DOCK2: variants seen among roughly 807,000 people sequenced by gnomAD.
DOCK2 encodes dedicator of cytokinesis protein 2.
In DOCK2, 87 loss-of-function variants were observed where a neutral mutation model predicts 248.9. The observed-to-expected ratio is 0.35, with a 90% CI of 0.29 to 0.42. DOCK2 has a LOEUF of 0.42. Ranked by LOEUF, DOCK2 falls within the 10% of genes least tolerant of loss-of-function variation. DOCK2 has a pLI of 1.00. For synonymous variants in DOCK2, 805 were observed against 821.6 expected, an observed-to-expected ratio of 0.98 and a Z score of 0.35; for missense variants, 1,747 against 2,300.2, an observed-to-expected ratio of 0.76 and a Z score of 4.92.
chr5:169,961,697 G>A (rs1025994613), intron 27 of DOCK2, among the ~76,000 whole-genome samples: 2 of 152,100 alleles, frequency 1.3e-5, no homozygotes, highest in African/African-American at 4.8e-5. Context: ...TAGAAGCCAG[G>A]CCGGGTGCAG....
At chr5:169,913,475 G>T (rs1774714886) in intron 27 of DOCK2, among the ~76,000 whole-genome samples, 1 of 152,118 alleles carries the variant, frequency 6.6e-6, no homozygotes, top group South Asian at 2.1e-4. Context: ...AGTACTGTTT[G>T]GTCCTATTTT....
chr5:170,012,695 G>A (rs895184221), intron 32 of DOCK2, among the ~76,000 whole-genome samples: 4 of 152,174 alleles, frequency 2.6e-5, no homozygotes, highest in African/African-American at 9.7e-5. Flanking sequence ...CCGGGCGGAC[G>A]CCAAATGGAA....
At chr5:170,056,526 G>T (rs542126814) in intron 42 of DOCK2, 158 bp from the exon 43 acceptor site, 1 of 571,118 alleles carries the variant, frequency 1.8e-6, no homozygotes. Flanking sequence ...TCACTCTTAC[G>T]GAGCCCAGAA....
Position 169,932,910 on chromosome 5 carries a change from C to T in DOCK2, c.2800-50158C>T, listed in dbSNP as rs190232387. ...AATATTCTAGTACCAATCCTGCATC[C>T]TCAAACTGTAGCAGTTCTATAAAAA... is the stretch of plus-strand genomic sequence containing the variant. On this transcript the variant is annotated intron_variant, in intron 27 of 51. Transcript: ENST00000520908. Among the ~76,000 whole-genome samples, 31 of 150,690 alleles carry T rather than the reference C, an allele frequency of 2.1e-4. 1 individual carries two copies. The highest frequency in any genetic ancestry group is 7.2e-4 in the African/African-American group (29 of 40,028).
At chr5:169,883,713 C>A (rs140484421) in intron 27 of DOCK2, 1 of 1,551,384 alleles carries the variant, frequency 6.4e-7, no homozygotes, top group African/African-American at 1.4e-5. Context: ...CCATCACAGC[C>A]GGGTCTTCTG....
chr5:169,684,142 G>A, intron 7 of DOCK2, 54 bp from the exon 8 acceptor site: 2 of 1,573,550 alleles, frequency 1.3e-6, no homozygotes, highest in South Asian at 2.3e-5. Flanking sequence ...GTTGCTCTAA[G>A]TGGTGCTAGG....
intron 29 of DOCK2, among the ~76,000 whole-genome samples, chr5:169,988,711 C>G (rs1778133788): frequency 6.6e-6 from 1 of 151,972 alleles, no homozygotes; most frequent in Non-Finnish European, 1.5e-5. Flanking sequence ...GGAGTTTCTC[C>G]CTGTTGGTCA....
At chr5:169,824,995 T>C (rs1176468168) in intron 26 of DOCK2, among the ~76,000 whole-genome samples, 1 of 152,194 alleles carries the variant, frequency 6.6e-6, no homozygotes, top group Non-Finnish European at 1.5e-5. Context: ...AAGACATTTA[T>C]GCAGCCAAAA....
intron 27 of DOCK2, among the ~76,000 whole-genome samples, chr5:169,860,941 C>T (rs1484498165): frequency 6.6e-6 from 1 of 152,146 alleles, no homozygotes; most frequent in African/African-American, 2.4e-5. Context: ...TTTTTCTTCA[C>T]ATTGGCGATA....
intron 26 of DOCK2, among the ~76,000 whole-genome samples, chr5:169,807,147 T>G (rs1767426186): frequency 6.6e-6 from 1 of 152,068 alleles, no homozygotes. Context: ...GTCCCAAGTA[T>G]TCTGACTGAA....
chr5:170,082,142 T>G lies in DOCK2; in HGVS notation c.5430+158T>G, dbSNP rs74830650. ...TGAGTTCTGGGACACTGTGCAGCAA[T>G]GCCCAGAGGGCAGTTCTCCTCTGGG... On this transcript the variant is annotated intron_variant, in intron 51 of 51. Coordinates refer to ENST00000520908, the MANE Select transcript of DOCK2 (RefSeq NM_004946.3). 1.5e-3 allele frequency among the ~76,000 whole-genome samples: 230 copies of G among 152,206 alleles called. 1 individual carries two copies. Among genetic ancestry groups the G allele is most frequent in the African/African-American group, 5.1e-3 (213 of 41,526 alleles).
chr5:169,988,811 A>G (rs1778136989), intron 29 of DOCK2, among the ~76,000 whole-genome samples: 1 of 152,188 alleles, frequency 6.6e-6, no homozygotes, highest in African/African-American at 2.4e-5. Context: ...TTGCCCAGAG[A>G]GGTGAAATGA....
intron 6 of DOCK2, among the ~76,000 whole-genome samples, chr5:169,677,293 C>T (rs2113329060): frequency 6.6e-6 from 1 of 152,352 alleles, no homozygotes; most frequent in East Asian, 1.9e-4. Flanking sequence ...TGATTTACAT[C>T]CACACCACTA....
In DOCK2 at chr5:169,711,925, G is replaced by C. The variant is rs1438579520; in HGVS notation, c.1483-10G>C. On this transcript the variant is annotated splice_polypyrimidine_tract_variant and intron_variant, in intron 15 of 51. Coordinates refer to ENST00000520908, the MANE Select transcript of DOCK2 (RefSeq NM_004946.3). ...TCATTGTGTTCTGAGCTCTGTTTCT[G>C]TCTGCTGAGGTGGCTGTCCCTATTG... is the stretch of plus-strand genomic sequence containing the variant. 2.5e-6 allele frequency: 4 copies of C among 1,613,754 alleles called. No individual in the cohort carries two copies. Among genetic ancestry groups the C allele is most frequent in the South Asian group, 1.1e-5 (1 of 91,076 alleles).
intron 27 of DOCK2, among the ~76,000 whole-genome samples, chr5:169,949,611 G>A (rs1009823583): frequency 6.7e-6 from 1 of 148,930 alleles, no homozygotes; most frequent in Non-Finnish European, 1.5e-5. Context: ...ATGTGAAATG[G>A]AATGCCATGA....
At chr5:169,821,188 A>G (rs1365646576) in intron 26 of DOCK2, among the ~76,000 whole-genome samples, 2 of 152,212 alleles carry the variant, frequency 1.3e-5, no homozygotes, top group Non-Finnish European at 2.9e-5. Flanking sequence ...AAGTTGGAAA[A>G]CACTCTGCAG....
At chr5:169,670,660 A>G in intron 4 of DOCK2, 63 bp downstream of exon 4, 4 of 1,578,146 alleles carry the variant, frequency 2.5e-6, no homozygotes, top group Non-Finnish European at 3.4e-6. Flanking sequence ...TGTCCTGTTT[A>G]TTTTGAAAAT....
intron 22 of DOCK2, among the ~76,000 whole-genome samples, chr5:169,727,476 G>A (rs1042210581): frequency 7.2e-5 from 11 of 152,076 alleles, no homozygotes; most frequent in Admixed American, 3.9e-4. Flanking sequence ...GGTGGTGGAG[G>A]GGGGCCTGAT....
chr5:169,688,757 C>T (rs1009584458), intron 8 of DOCK2, among the ~76,000 whole-genome samples: 1 of 152,150 alleles, frequency 6.6e-6, no homozygotes, highest in Non-Finnish European at 1.5e-5. Context: ...GGCTGAGACC[C>T]TATATGACCC....
Sources: allele counts gnomAD v4.1 joint callset (sites outside exome capture counted in the v4.1 genomes callset), GRCh38; gene constraint gnomAD v4.1.1; transcripts MANE v1.5; gene names NCBI Gene and HGNC (gene_info 2026-07-23, HGNC 2026-07-21).